The following NDUFS4 variants were observed in gnomAD, a reference collection of about 807,000 sequenced individuals.
NDUFS4 encodes the protein NADH:ubiquinone oxidoreductase subunit S4.
In NDUFS4, 28 loss-of-function variants were observed where a neutral mutation model predicts 24.3. That is an observed-to-expected ratio of 1.15 (90% CI 0.85 to 1.58). The LOEUF is 1.58. Among genes scored for constraint, NDUFS4 ranks in the 40% most tolerant of loss-of-function variants. The probability of loss-of-function intolerance (pLI) is 0.00; values close to 1 mark genes in which losing one functional copy is unlikely to be tolerated. For missense variants in NDUFS4, 223 were observed against 207.9 expected (o/e 1.07, Z -0.45); for synonymous variants, 93 against 69.7 (o/e 1.34, Z -1.67).
intron 1 of NDUFS4, among the ~76,000 whole-genome samples, chr5:53,582,771 G>C (rs965909835): frequency 6.6e-6 from 1 of 152,230 alleles, no homozygotes. Flanking sequence ...TGTTTTTACA[G>C]GCTAACACAG....
At chr5:53,628,380 A>T (rs1171479337) in intron 2 of NDUFS4, among the ~76,000 whole-genome samples, 1 of 152,138 alleles carries the variant, frequency 6.6e-6, no homozygotes, top group East Asian at 1.9e-4. Flanking sequence ...TGGTATCAGG[A>T]TGATACTGGC....
chr5:53,650,494 T>C (rs772940560), intron 3 of NDUFS4, among the ~76,000 whole-genome samples: 1 of 152,196 alleles, frequency 6.6e-6, no homozygotes, highest in Non-Finnish European at 1.5e-5. Context: ...AGAAAGATGG[T>C]TGGACAAAGT....
intron 4 of NDUFS4, 25 bp downstream of exon 4, chr5:53,658,649 A>T: frequency 1.3e-6 from 2 of 1,574,054 alleles, no homozygotes; most frequent in Non-Finnish European, 8.7e-7. Context: ...TTTTTGACAA[A>T]GTCAAGATAA....
intron 1 of NDUFS4, among the ~76,000 whole-genome samples, chr5:53,587,126 G>A (rs1749784842): frequency 1.3e-5 from 2 of 151,856 alleles, no homozygotes; most frequent in Non-Finnish European, 2.9e-5. Context: ...ACCCGGCCGA[G>A]TTATATATAT....
intron 4 of NDUFS4, among the ~76,000 whole-genome samples, chr5:53,663,041 C>G (rs1179624209): frequency 1.3e-5 from 2 of 152,016 alleles, no homozygotes; most frequent in Admixed American, 1.3e-4. Context: ...TCGTTGGTTT[C>G]AAAGAACATC....
intron 2 of NDUFS4, among the ~76,000 whole-genome samples, chr5:53,614,936 C>T (rs1481052333): frequency 6.6e-6 from 1 of 151,824 alleles, no homozygotes; most frequent in Non-Finnish European, 1.5e-5. Flanking sequence ...TCTGAAAATA[C>T]ATTATTAGTC....
intron 4 of NDUFS4, among the ~76,000 whole-genome samples, chr5:53,665,873 G>C (rs1398113418): frequency 6.6e-6 from 1 of 152,180 alleles, no homozygotes; most frequent in Non-Finnish European, 1.5e-5. Context: ...GATGAACCCG[G>C]TACCTCAGTT....
At chr5:53,590,556 C>G (rs1257440835) in intron 1 of NDUFS4, among the ~76,000 whole-genome samples, 1 of 152,086 alleles carries the variant, frequency 6.6e-6, no homozygotes, top group Non-Finnish European at 1.5e-5. Context: ...TATTGAAGTT[C>G]AACAGCTTAA....
intron 2 of NDUFS4, among the ~76,000 whole-genome samples, chr5:53,627,003 T>TTTA (rs1318726219): frequency 1.4e-5 from 2 of 139,410 alleles, no homozygotes; most frequent in African/African-American, 5.1e-5. Context: ...TTCTAGGGTT[T>TTTA]TTATAGCTTT....
intron 2 of NDUFS4, among the ~76,000 whole-genome samples, chr5:53,609,256 T>G (rs552588362): frequency 6.6e-6 from 1 of 152,242 alleles, no homozygotes; most frequent in African/African-American, 2.4e-5. Context: ...ATAATAAGAC[T>G]CAAAAGTCAA....
At position 53,604,927 on chromosome 5, in the gene NDUFS4, A is replaced by G. The variant is rs753376081; in HGVS notation, c.177+1397A>G. 2.0e-5 allele frequency: 9 copies of G among 454,892 alleles called. 1 individual carries two copies. The highest frequency in any genetic ancestry group is 9.3e-5 in the South Asian group (6 of 64,438). The allele number at this position is 454,892 out of a possible 1,614,324, so 28.2% of individuals were successfully genotyped here. A position where few individuals can be genotyped will look rare whatever the true frequency, so the allele number is the denominator to read the frequency against. On this transcript the variant is annotated intron_variant, in intron 2 of 4. Coordinates refer to ENST00000296684, the MANE Select transcript of NDUFS4 (RefSeq NM_002495.4). ...AAACACCACTTGCTTAGTCAAGTAT[A>G]AAAGAAATGAGGGGCAGGGCATGGT...
At chr5:53,627,858 T>C (rs1751278973) in intron 2 of NDUFS4, among the ~76,000 whole-genome samples, 2 of 152,208 alleles carry the variant, frequency 1.3e-5, no homozygotes, top group Admixed American at 1.3e-4. Context: ...CTTTTCCTAA[T>C]TGAATACCCT....
intron 2 of NDUFS4, among the ~76,000 whole-genome samples, chr5:53,642,525 G>A (rs1434490169): frequency 1.3e-5 from 2 of 152,062 alleles, no homozygotes; most frequent in Non-Finnish European, 2.9e-5. Context: ...TCTAAATCCT[G>A]GGTGGTTGCA....
At chr5:53,585,749 A>G (rs1181093100) in intron 1 of NDUFS4, among the ~76,000 whole-genome samples, 1 of 151,688 alleles carries the variant, frequency 6.6e-6, no homozygotes, top group Non-Finnish European at 1.5e-5. Flanking sequence ...TCTCAAAAAA[A>G]AAAAAAAGAA....
chr5:53,613,704 A>G (rs1194168144), intron 2 of NDUFS4, among the ~76,000 whole-genome samples: 4 of 151,442 alleles, frequency 2.6e-5, no homozygotes, highest in Non-Finnish European at 5.9e-5. Flanking sequence ...GATTGCAGCA[A>G]TACTGTTGCT....
intron 1 of NDUFS4, among the ~76,000 whole-genome samples, chr5:53,584,634 C>T (rs1176128895): frequency 6.6e-6 from 1 of 152,126 alleles, no homozygotes; most frequent in Non-Finnish European, 1.5e-5. Context: ...GCCACCATGC[C>T]TGGCCTCAAA....
chr5:53,646,344 TG>T lies in NDUFS4; in HGVS notation c.291del (p.Trp97Ter), dbSNP rs121908985. The T allele has an allele frequency of 7.4e-6, 12 of 1,613,798 alleles. No homozygotes were observed. The highest frequency in any genetic ancestry group is 5.0e-5 in the Admixed American group (3 of 59,998). ...GTCTGGAGTAAACAACACAAAGAAA[TG>T]GAAGATGGAGTTTGATACCAGAGAG... is the stretch of plus-strand genomic sequence containing the variant. ...MQSGVNNTKK[W>X]KMEFDTRERW... On this transcript the variant is annotated frameshift_variant, in exon 3 of 5. Coordinates refer to ENST00000296684, the MANE Select transcript of NDUFS4 (RefSeq NM_002495.4). LOFTEE classifies it high-confidence loss of function.
At chr5:53,580,893 G>A (rs934389906) in intron 1 of NDUFS4, among the ~76,000 whole-genome samples, 1 of 151,086 alleles carries the variant, frequency 6.6e-6, no homozygotes, top group Non-Finnish European at 1.5e-5. Context: ...GAGTGCAATG[G>A]CACAGTCTTG....
chr5:53,569,098 T>C (rs1390751286), intron 1 of NDUFS4, among the ~76,000 whole-genome samples: 1 of 152,140 alleles, frequency 6.6e-6, no homozygotes, highest in Non-Finnish European at 1.5e-5. Flanking sequence ...TGAATACAGA[T>C]GTTTTGGCTC....
Sources: gnomAD v4.1 joint callset for allele counts (sites outside exome capture counted in the v4.1 genomes callset) on GRCh38, gnomAD v4.1.1 for gene constraint, MANE v1.5 for transcripts, NCBI Gene and HGNC (gene_info 2026-07-23, HGNC 2026-07-21) for gene names.